GNS: variants seen among roughly 807,000 people sequenced by gnomAD.
GNS encodes glucosamine (N-acetyl)-6-sulfatase, also known as N-acetylglucosamine-6-sulfatase.
A neutral mutation model predicts 69.7 loss-of-function variants in GNS; 40 were observed. The observed-to-expected ratio is 0.57, with a 90% CI of 0.45 to 0.75. The LOEUF (loss-of-function observed/expected upper bound fraction) is 0.75, where lower values mean the gene tolerates loss of function less well. Ranked by LOEUF, GNS falls within the 30% of genes least tolerant of loss-of-function variation. GNS has a pLI of 0.00. For missense variants in GNS, 565 were observed against 685.5 expected (o/e 0.82, Z 1.96); for synonymous variants, 243 against 251.6 (o/e 0.97, Z 0.32).
At chr12:64,754,904 A>G (rs947902615) in intron 1 of GNS, among the ~76,000 whole-genome samples, 3 of 139,800 alleles carry the variant, frequency 2.1e-5, no homozygotes, top group African/African-American at 9.9e-5. Context: ...AAAAAAAAAA[A>G]GAAGTTTTTA....
At chr12:64,737,603 A>C (rs1869595233) in intron 8 of GNS, among the ~76,000 whole-genome samples, 1 of 152,218 alleles carries the variant, frequency 6.6e-6, no homozygotes, top group South Asian at 2.1e-4. Context: ...GCAGTTTCTG[A>C]GGGAATAATG....
rs1201584706 is a variant in GNS at position 64,714,771 on chromosome 12, C to G, written c.*1970G>C. ...TTTATTTGGAAATAACTATGGTCAA[C>G]TTTCATTAATGTGGAAGTTGACTGA... On this transcript the variant is annotated 3_prime_UTR_variant, in exon 14 of 14. Transcript: ENST00000258145. 1 of 152,334 alleles carries G rather than the reference C, an allele frequency of 6.6e-6. No homozygotes were observed. Among genetic ancestry groups the G allele is most frequent in the African/African-American group, 2.4e-5 (1 of 41,448 alleles). 9.4% of individuals were successfully genotyped at this position (152,334 alleles called of 1,614,324 possible).
At chr12:64,719,233 C>T (rs1268852735) in intron 13 of GNS, among the ~76,000 whole-genome samples, 2 of 152,102 alleles carry the variant, frequency 1.3e-5, no homozygotes, top group Non-Finnish European at 2.9e-5. Context: ...AATACAAAGA[C>T]GGCTAAAAAA....
At chr12:64,717,395 G>T (rs1868895337) in intron 13 of GNS, among the ~76,000 whole-genome samples, 1 of 152,214 alleles carries the variant, frequency 6.6e-6, no homozygotes, top group Admixed American at 6.5e-5. Flanking sequence ...CTGTCGCCCA[G>T]GCTGGAGTGC....
At chr12:64,734,500 G>T (rs1039702193) in intron 9 of GNS, among the ~76,000 whole-genome samples, 1 of 152,174 alleles carries the variant, frequency 6.6e-6, no homozygotes, top group African/African-American at 2.4e-5. Context: ...GCTGAAGAAG[G>T]CGCGAGATGG....
chr12:64,747,523 T>C (rs1312912562), intron 3 of GNS, among the ~76,000 whole-genome samples, 189 bp downstream of exon 3: 2 of 152,216 alleles, frequency 1.3e-5, no homozygotes, highest in African/African-American at 4.8e-5. Context: ...ACCCAAATCA[T>C]GTAAATATGT....
Position 64,739,342 on chromosome 12 carries a change from T to C in GNS, c.994+39A>G, listed in dbSNP as rs377030603. On this transcript the variant is annotated intron_variant, in intron 8 of 13. Transcript: ENST00000258145. ...CATTGGGTGAAAAAGGAAAGACATA[T>C]TCTCAAAGATCACAGCAGTACCTAC... is the stretch of plus-strand genomic sequence containing the variant. 12 of 977,822 alleles carry C rather than the reference T, an allele frequency of 1.2e-5. No individual in the cohort carries two copies. In the African/African-American group the frequency reaches 1.9e-4, roughly 16 times the overall value. 60.6% of individuals were successfully genotyped at this position (977,822 alleles called of 1,614,324 possible).
At chr12:64,756,680 A>G in intron 1 of GNS, 1 of 1,243,800 alleles carries the variant, frequency 8.0e-7, no homozygotes, top group Non-Finnish European at 1.1e-6. Flanking sequence ...GCTCGGCTCC[A>G]AGTAAGTTCT....
At chr12:64,741,825 T>G (rs1163372459) in intron 6 of GNS, among the ~76,000 whole-genome samples, 2 of 152,216 alleles carry the variant, frequency 1.3e-5, no homozygotes, top group South Asian at 2.1e-4. Flanking sequence ...CATATTCTCC[T>G]GCTAGAAATT....
At chr12:64,730,928 T>A (rs757079581) in intron 9 of GNS, among the ~76,000 whole-genome samples, 2 of 152,160 alleles carry the variant, frequency 1.3e-5, no homozygotes, top group Non-Finnish European at 2.9e-5. Flanking sequence ...ACTACTATGA[T>A]GTCCAAGGCA....
chr12:64,734,021 A>C (rs1334957158), intron 9 of GNS, among the ~76,000 whole-genome samples: 1 of 152,214 alleles, frequency 6.6e-6, no homozygotes, highest in East Asian at 1.9e-4. Context: ...CATTATGCCC[A>C]ACTCACAAGC....
intron 9 of GNS, among the ~76,000 whole-genome samples, chr12:64,733,899 A>C: frequency 6.7e-6 from 1 of 150,134 alleles, no homozygotes; most frequent in Admixed American, 6.6e-5. Context: ...GTCAATAGTC[A>C]ATCTTTGACA....
chr12:64,759,300 C>A lies in GNS; in HGVS notation c.-24G>T, dbSNP rs1565630762. 6.8e-7 allele frequency: 1 copy of A among 1,467,668 alleles called. No individual in the cohort carries two copies. Among genetic ancestry groups the A allele is most frequent in the Non-Finnish European group, 9.0e-7 (1 of 1,105,614 alleles). 90.9% of individuals were successfully genotyped at this position (1,467,668 alleles called of 1,614,324 possible). ...ATAGCGGACAGGCTCCGGGGTGACC[C>A]CGGGACGGGACGGGACGGAGGGACG... On this transcript the variant is annotated 5_prime_UTR_variant, in exon 1 of 14. Coordinates refer to ENST00000258145, the MANE Select transcript of GNS (RefSeq NM_002076.4).
In GNS at chr12:64,715,646, G is replaced by A. The variant is rs928040337; in HGVS notation, c.*1095C>T. 1 of 154,374 alleles carries A rather than the reference G, an allele frequency of 6.5e-6. No homozygotes were observed. Among genetic ancestry groups the A allele is most frequent in the African/African-American group, 2.4e-5 (1 of 41,528 alleles). The allele number at this position is 154,374 out of a possible 1,614,324, so 9.6% of individuals were successfully genotyped here. On this transcript the variant is annotated 3_prime_UTR_variant, in exon 14 of 14. Coordinates refer to ENST00000258145, the MANE Select transcript of GNS (RefSeq NM_002076.4). ...CTCAGGAAGAACCCATCTAAAAGGGGAGAAGGTAGGGTAAAGTAGTTGATA... is the reference window on the plus strand; with the variant it reads ...CTCAGGAAGAACCCATCTAAAAGGGAAGAAGGTAGGGTAAAGTAGTTGATA...
At position 64,757,002 on chromosome 12, in the gene GNS, A is replaced by T. The variant is rs557285189; in HGVS notation, c.192+2083T>A. On this transcript the variant is annotated intron_variant, in intron 1 of 13. Coordinates refer to ENST00000258145, the MANE Select transcript of GNS (RefSeq NM_002076.4). ...AAGACCGACTTGGGCAACATGGAGAAATCCTGTCTTTACAAAATATTTAAA... is the reference window on the plus strand; with the variant it reads ...AAGACCGACTTGGGCAACATGGAGATATCCTGTCTTTACAAAATATTTAAA... 3.3e-5 allele frequency among the ~76,000 whole-genome samples: 5 copies of T among 152,278 alleles called. No homozygotes were observed. The East Asian group carries it at 9.7e-4, about 29-fold the overall frequency.
intron 9 of GNS, among the ~76,000 whole-genome samples, chr12:64,731,578 G>A (rs536326338): frequency 2.6e-5 from 4 of 152,118 alleles, no homozygotes; most frequent in East Asian, 1.9e-4. Context: ...TTGAATAAGC[G>A]GACAGTCTCA....
At chr12:64,728,007 T>C (rs1420312744) in intron 10 of GNS, among the ~76,000 whole-genome samples, 2 of 152,214 alleles carry the variant, frequency 1.3e-5, no homozygotes, top group Non-Finnish European at 2.9e-5. Context: ...CACTGCAATC[T>C]CCACCTCCCA....
chr12:64,737,368 G>A (rs982259364), intron 8 of GNS, among the ~76,000 whole-genome samples: 3 of 152,150 alleles, frequency 2.0e-5, no homozygotes, highest in African/African-American at 7.2e-5. Flanking sequence ...TGACAGGAAA[G>A]TATTGAAACA....
intron 11 of GNS, among the ~76,000 whole-genome samples, chr12:64,721,985 T>C (rs1292820959): frequency 1.3e-5 from 2 of 151,988 alleles, no homozygotes; most frequent in African/African-American, 4.8e-5. Flanking sequence ...CTGTAAAATG[T>C]ATGGGTTGGC....
Sources: allele counts gnomAD v4.1 joint callset (sites outside exome capture counted in the v4.1 genomes callset), GRCh38; gene constraint gnomAD v4.1.1; transcripts MANE v1.5; gene names NCBI Gene and HGNC (gene_info 2026-07-23, HGNC 2026-07-21).